TENM4: variants seen among roughly 807,000 people sequenced by gnomAD.
The protein encoded by TENM4 is teneurin-4.
TENM4 carries 82 observed loss-of-function variants against 243.3 expected under a neutral mutation model. The observed-to-expected ratio is 0.34, with a 90% CI of 0.28 to 0.40. TENM4 has a LOEUF of 0.40. Ranked by LOEUF, TENM4 falls within the 10% of genes least tolerant of loss-of-function variation. TENM4 has a pLI of 1.00. For synonymous variants in TENM4, 1,412 were observed against 1,456.3 expected (o/e 0.97, Z 0.69); for missense variants, 3,138 against 3,673.3 (o/e 0.85, Z 3.77).
chr11:79,328,397 A>G lies in TENM4; in HGVS notation c.-320-30854T>C, dbSNP rs1432079245. Among the ~76,000 whole-genome samples, 3 of 152,152 alleles carry G rather than the reference A, an allele frequency of 2.0e-5. 1 individual carries two copies. Among genetic ancestry groups the G allele is most frequent in the Non-Finnish European group, 4.4e-5 (3 of 68,032 alleles). ...AGTGCTTTGTCTTTGTAACCCTCAG[A>G]AGCCTCAGAAAATCACAGCAGCTGG... On this transcript the variant is annotated intron_variant, in intron 1 of 33. Transcript: ENST00000278550.
intron 6 of TENM4, among the ~76,000 whole-genome samples, chr11:79,033,443 A>T (rs563708762): frequency 6.6e-6 from 1 of 152,208 alleles, no homozygotes; most frequent in Admixed American, 6.5e-5. Flanking sequence ...TGCACAAGGC[A>T]CTTACACTCA....
intron 3 of TENM4, among the ~76,000 whole-genome samples, chr11:79,162,493 T>A (rs1294931856): frequency 2.1e-5 from 3 of 140,080 alleles, no homozygotes; most frequent in Non-Finnish European, 4.5e-5. Flanking sequence ...TTATTTATTA[T>A]TATTGTTATC....
At chr11:78,796,544 C>T (rs1457726182) in intron 15 of TENM4, among the ~76,000 whole-genome samples, 1 of 152,174 alleles carries the variant, frequency 6.6e-6, no homozygotes, top group Non-Finnish European at 1.5e-5. Flanking sequence ...TTCCTGGACA[C>T]TTCCACCTGG....
chr11:79,044,336 TA>T (rs1187708711), intron 6 of TENM4, among the ~76,000 whole-genome samples: 1 of 152,148 alleles, frequency 6.6e-6, no homozygotes, highest in Non-Finnish European at 1.5e-5. Flanking sequence ...AGGGCACTAA[TA>T]AAAACATCTA....
intron 3 of TENM4, among the ~76,000 whole-genome samples, chr11:79,194,910 A>T (rs932428526): frequency 2.0e-5 from 3 of 152,178 alleles, no homozygotes; most frequent in Non-Finnish European, 1.5e-5. Context: ...AGCCCCTCCC[A>T]TCACAGCCCT....
At position 78,920,098 on chromosome 11, in the gene TENM4, C is replaced by T. The variant is rs116476710; in HGVS notation, c.494-16575G>A. 3.0e-3 allele frequency among the ~76,000 whole-genome samples: 450 copies of T among 152,256 alleles called. 1 individual carries two copies. The highest frequency in any genetic ancestry group is 9.9e-3 in the African/African-American group (411 of 41,534). On this transcript the variant is annotated intron_variant, in intron 6 of 33. Transcript: ENST00000278550. ...TCCAGTGCTTGTCACATAGTAGGTGCGAATGTTAGTGAACAGATGAGCAGG... is the reference window on the plus strand; with the variant it reads ...TCCAGTGCTTGTCACATAGTAGGTGTGAATGTTAGTGAACAGATGAGCAGG...
chr11:79,081,630 A>C (rs1860677746), intron 4 of TENM4, among the ~76,000 whole-genome samples: 1 of 151,310 alleles, frequency 6.6e-6, no homozygotes, highest in Non-Finnish European at 1.5e-5. Context: ...CTCTATTGTA[A>C]CTCTGTTCAC....
Position 79,148,599 on chromosome 11 carries a change from T to C in TENM4, c.-66+111A>G, listed in dbSNP as rs537153818. ...AAAAAAATCTTTATTGTAAAATAAATGAAGATAAAGTCTACCTATTAATGC... is the reference window on the plus strand; with the variant it reads ...AAAAAAATCTTTATTGTAAAATAAACGAAGATAAAGTCTACCTATTAATGC... On this transcript the variant is annotated intron_variant, in intron 4 of 33. Transcript: ENST00000278550. 11 of 182,086 alleles carry C rather than the reference T, an allele frequency of 6.0e-5. 1 individual carries two copies. The highest frequency in any genetic ancestry group is 2.4e-4 in the African/African-American group (10 of 42,042). 11.3% of individuals were successfully genotyped at this position (182,086 alleles called of 1,614,324 possible). A position where few individuals can be genotyped will look rare whatever the true frequency, so the allele number is the denominator to read the frequency against.
intron 6 of TENM4, among the ~76,000 whole-genome samples, chr11:78,908,179 C>T (rs552414244): frequency 9.9e-5 from 15 of 152,272 alleles, no homozygotes; most frequent in African/African-American, 2.4e-4. Flanking sequence ...GAAAGAGACT[C>T]GGCTTTGGTG....
chr11:79,147,022 C>A (rs1416464772), intron 4 of TENM4, among the ~76,000 whole-genome samples: 1 of 152,060 alleles, frequency 6.6e-6, no homozygotes, highest in Non-Finnish European at 1.5e-5. Context: ...CGTGTGTATA[C>A]AGATATGTAC....
intron 6 of TENM4, among the ~76,000 whole-genome samples, chr11:78,929,729 A>T (rs960368943): frequency 6.6e-6 from 1 of 152,222 alleles, no homozygotes; most frequent in Non-Finnish European, 1.5e-5. Context: ...AGGTGGCTGT[A>T]GATTTTCTCT....
chr11:79,275,223 C>CGGGG (rs201280344), intron 2 of TENM4, among the ~76,000 whole-genome samples: 68 of 141,214 alleles, frequency 4.8e-4, no homozygotes, highest in Admixed American at 3.4e-4. Context: ...TATGTGTGAG[C>CGGGG]GGGGTGTGTG....
Position 78,756,837 on chromosome 11 carries a change from G to A in TENM4, c.2724C>T (p.His908=), listed in dbSNP as rs1856319830. 2.5e-6 allele frequency: 4 copies of A among 1,613,890 alleles called. No individual in the cohort carries two copies. The highest frequency in any genetic ancestry group is 3.4e-6 in the Non-Finnish European group (4 of 1,179,856). ...CAAAGGGGTTCTCCCCGGGGATTAT[G>A]TGCGTGCTGTCCCTGCCCACGAGGA... ...IKFLVGRDST[H]IIPGENPFDG... Residue 908 remains histidine, a synonymous_variant, in exon 19 of 34, where the codon CAC becomes CAT. Coordinates refer to ENST00000278550, the MANE Select transcript of TENM4 (RefSeq NM_001098816.3).
rs560244130 is a variant in TENM4 at position 79,301,685 on chromosome 11, C to T, written c.-320-4142G>A. ...GTAATCCCCAATGCCACAGGCGGGGCCTAGTGAAAGGTGATTGGATCGTGG... is the reference window on the plus strand; with the variant it reads ...GTAATCCCCAATGCCACAGGCGGGGTCTAGTGAAAGGTGATTGGATCGTGG... On this transcript the variant is annotated intron_variant, in intron 1 of 33. Coordinates refer to ENST00000278550, the MANE Select transcript of TENM4 (RefSeq NM_001098816.3). Among the ~76,000 whole-genome samples, 3 of 152,320 alleles carry T rather than the reference C, an allele frequency of 2.0e-5. No homozygotes were observed. The South Asian group carries it at 6.2e-4, about 32-fold the overall frequency.
intron 2 of TENM4, among the ~76,000 whole-genome samples, chr11:79,242,101 A>G (rs1855431111): frequency 1.3e-5 from 2 of 152,244 alleles, no homozygotes; most frequent in African/African-American, 4.8e-5. Context: ...TCCCTGAAAA[A>G]TGATAAGCTG....
intron 6 of TENM4, among the ~76,000 whole-genome samples, chr11:78,989,177 G>A (rs1047180520): frequency 2.0e-5 from 3 of 152,218 alleles, no homozygotes; most frequent in Non-Finnish European, 4.4e-5. Flanking sequence ...CAGTTCAGCT[G>A]TGTTTGTTAT....
chr11:79,253,166 G>T (rs191339744), intron 2 of TENM4, among the ~76,000 whole-genome samples: 235 of 152,258 alleles, frequency 1.5e-3, no homozygotes, highest in African/African-American at 5.4e-3. Context: ...TTGCTTCTCA[G>T]CAAATGCTTG....
intron 3 of TENM4, among the ~76,000 whole-genome samples, chr11:79,175,557 A>T (rs1461889832): frequency 3.9e-5 from 6 of 152,338 alleles, no homozygotes; most frequent in African/African-American, 1.4e-4. Flanking sequence ...GGAAAGGTAG[A>T]CTATATGTTG....
intron 32 of TENM4, among the ~76,000 whole-genome samples, chr11:78,662,090 TAC>T (rs543544400): frequency 1.1e-3 from 175 of 152,304 alleles, no homozygotes; most frequent in South Asian, 4.4e-3. Flanking sequence ...TCCCACGGGT[TAC>T]AGAGATGGCC....
Sources: gnomAD v4.1 joint callset for allele counts (sites outside exome capture counted in the v4.1 genomes callset) on GRCh38, gnomAD v4.1.1 for gene constraint, MANE v1.5 for transcripts, NCBI Gene and HGNC (gene_info 2026-07-23, HGNC 2026-07-21) for gene names.